The following DLC1 variants were observed in gnomAD, a reference collection of about 807,000 sequenced individuals.
The protein encoded by DLC1 is rho GTPase-activating protein 7.
Under a neutral mutation model 140.3 loss-of-function variants are expected in DLC1, and 54 were observed. The observed-to-expected ratio is 0.38, with a 90% CI of 0.31 to 0.48. The LOEUF (loss-of-function observed/expected upper bound fraction) is 0.48. Among genes scored for constraint, DLC1 ranks in the 20% least tolerant of loss-of-function variants. The probability of loss-of-function intolerance (pLI) is 0.96; values close to 1 mark genes in which losing one functional copy is unlikely to be tolerated. For synonymous variants in DLC1, 986 were observed against 728.1 expected (o/e 1.35, Z -5.70); for missense variants, 2,536 against 1,907.0 (o/e 1.33, Z -6.14).
At chr8:13,546,087 TA>T (rs1393229101) in intron 1 of DLC1, among the ~76,000 whole-genome samples, 2 of 152,096 alleles carry the variant, frequency 1.3e-5, no homozygotes, top group African/African-American at 2.4e-5. Context: ...TTATCTATTA[TA>T]AAGTCAAAAA....
chr8:13,199,867 G>A (rs978351679), intron 5 of DLC1, among the ~76,000 whole-genome samples: 7 of 152,066 alleles, frequency 4.6e-5, no homozygotes, highest in South Asian at 2.1e-4. Context: ...TTGGTTTCAC[G>A]AAATATTACA....
chr8:13,547,255 C>T (rs1011214087), intron 1 of DLC1, among the ~76,000 whole-genome samples: 2 of 151,952 alleles, frequency 1.3e-5, no homozygotes, highest in Non-Finnish European at 2.9e-5. Context: ...GTAATTATTA[C>T]TGAAAAATTA....
At chr8:13,467,109 A>G (rs1799975316) in intron 2 of DLC1, among the ~76,000 whole-genome samples, 1 of 152,244 alleles carries the variant, frequency 6.6e-6, no homozygotes, top group Non-Finnish European at 1.5e-5. Context: ...ACTCCTTTGT[A>G]ACTTACAGTT....
chr8:13,419,131 T>G (rs1838199164), intron 2 of DLC1, among the ~76,000 whole-genome samples: 1 of 152,192 alleles, frequency 6.6e-6, no homozygotes, highest in Non-Finnish European at 1.5e-5. Context: ...CAATGTGGTT[T>G]TCTAGATATA....
In DLC1 at chr8:13,393,231, CAAGAT is replaced by C. The variant is rs1477828870; in HGVS notation, c.1314+317_1314+321del. 2.0e-5 allele frequency among the ~76,000 whole-genome samples: 3 copies of C among 152,014 alleles called. No homozygotes were observed. The East Asian group carries it at 5.8e-4, about 29-fold the overall frequency. ...TTTTCTAACTGGTAAGCAATACTGT[CAAGAT>C]AATAGTGTAGGGAAAGGCATCTCCA... On this transcript the variant is annotated intron_variant, in intron 4 of 17. Coordinates refer to ENST00000276297, the MANE Select transcript of DLC1 (RefSeq NM_182643.3).
chr8:13,534,674 T>C (rs1803210467), intron 1 of DLC1, among the ~76,000 whole-genome samples: 2 of 152,212 alleles, frequency 1.3e-5, no homozygotes. Flanking sequence ...CACCGGGTGC[T>C]GTTTGCCTGT....
intron 5 of DLC1, among the ~76,000 whole-genome samples, chr8:13,216,550 C>T (rs958668286): frequency 3.9e-5 from 6 of 152,264 alleles, no homozygotes; most frequent in Admixed American, 1.3e-4. Flanking sequence ...CCCAGCAGAA[C>T]GTGCCAAGAC....
intron 2 of DLC1, among the ~76,000 whole-genome samples, chr8:13,485,515 A>G (rs17093955): frequency 0.92 from 139,890 of 152,224 alleles, 64,817 homozygotes; most frequent in Non-Finnish European, 0.97. Context: ...CATGTTTTTA[A>G]AAGGGAATAC....
intron 1 of DLC1, among the ~76,000 whole-genome samples, chr8:13,507,842 T>G (rs1303585421): frequency 6.6e-6 from 1 of 152,206 alleles, no homozygotes; most frequent in East Asian, 1.9e-4. Flanking sequence ...AAGTAGTGTT[T>G]CACTTTTTCC....
intron 5 of DLC1, among the ~76,000 whole-genome samples, chr8:13,122,757 C>A (rs1237204152): frequency 2.7e-5 from 4 of 150,602 alleles, no homozygotes; most frequent in Admixed American, 2.6e-4. Context: ...GCATTCCTGC[C>A]CTCAGGTGCC....
chr8:13,125,711 G>C (rs1821498529), intron 5 of DLC1, among the ~76,000 whole-genome samples: 1 of 151,742 alleles, frequency 6.6e-6, no homozygotes, highest in South Asian at 2.1e-4. Context: ...GGAAGCTTTG[G>C]GGAGCTTCCT....
chr8:13,451,061 A>AAAAAAAAAAAAAAAAAAAAAAAAAAG (rs1563357501), intron 2 of DLC1, among the ~76,000 whole-genome samples: 2 of 138,398 alleles, frequency 1.4e-5, no homozygotes, highest in African/African-American at 3.0e-5. Flanking sequence ...AAAAAAAAAA[A>AAAAAAAAAAAAAAAAAAAAAAAAAAG]AAAAAAAGAA....
intron 5 of DLC1, among the ~76,000 whole-genome samples, chr8:13,176,215 C>T (rs1379805198): frequency 2.6e-5 from 4 of 152,158 alleles, no homozygotes; most frequent in African/African-American, 7.2e-5. Flanking sequence ...TTCTCCATTT[C>T]CTCTAGGGAA....
At chr8:13,113,461 C>A (rs1381534350) in intron 6 of DLC1, among the ~76,000 whole-genome samples, 1 of 152,184 alleles carries the variant, frequency 6.6e-6, no homozygotes, top group Non-Finnish European at 1.5e-5. Flanking sequence ...TGCAAATGCA[C>A]CCTGCATTTT....
intron 1 of DLC1, among the ~76,000 whole-genome samples, chr8:13,527,857 G>A (rs923465157): frequency 1.3e-5 from 2 of 152,040 alleles, no homozygotes; most frequent in Non-Finnish European, 2.9e-5. Flanking sequence ...TGCTCACTAA[G>A]CAAACTTATA....
At chr8:13,131,940 A>G (rs1452471063) in intron 5 of DLC1, among the ~76,000 whole-genome samples, 1 of 152,136 alleles carries the variant, frequency 6.6e-6, no homozygotes, top group Non-Finnish European at 1.5e-5. Context: ...GGTGCTGCAG[A>G]GAGGAGGGGT....
chr8:13,552,127 A>G (rs1171890112), intron 1 of DLC1, among the ~76,000 whole-genome samples: 2 of 130,818 alleles, frequency 1.5e-5, no homozygotes, highest in Non-Finnish European at 3.3e-5. Flanking sequence ...ATATATATAT[A>G]TATATATATA....
Position 13,096,657 on chromosome 8 carries a change from T to G in DLC1, c.3168-1412A>C, listed in dbSNP as rs77942731. ...TCATTCAGAACAAACAACTTCTGTA[T>G]TTAGCAAGGCTCACATAATAACAGC... On this transcript the variant is annotated intron_variant, in intron 10 of 17. Transcript: ENST00000276297. Among the ~76,000 whole-genome samples, 385 of 152,144 alleles carry G rather than the reference T, an allele frequency of 2.5e-3. 2 individuals carry two copies. Among genetic ancestry groups the G allele is most frequent in the African/African-American group, 8.9e-3 (370 of 41,504 alleles).
At chr8:13,101,290 AT>A (rs1397812801) in intron 8 of DLC1, among the ~76,000 whole-genome samples, 1 of 152,182 alleles carries the variant, frequency 6.6e-6, no homozygotes, top group Non-Finnish European at 1.5e-5. Flanking sequence ...TGCAAGTTAA[AT>A]AAGAACTATT....
Sources: allele counts gnomAD v4.1 joint callset (sites outside exome capture counted in the v4.1 genomes callset), GRCh38; gene constraint gnomAD v4.1.1; transcripts MANE v1.5; gene names NCBI Gene and HGNC (gene_info 2026-07-23, HGNC 2026-07-21).